FGF14: variants seen among roughly 807,000 people sequenced by gnomAD.
FGF14 encodes the protein fibroblast growth factor 14, also known as fibroblast growth factor homologous factor 4.
Under a neutral mutation model 25.5 loss-of-function variants are expected in FGF14, and 5 were observed. The observed-to-expected ratio is 0.20, with a 90% CI of 0.10 to 0.41. FGF14 has a LOEUF of 0.41. Among genes scored for constraint, FGF14 ranks in the 10% least tolerant of loss-of-function variants. The probability of loss-of-function intolerance (pLI) is 1.00; values close to 1 mark genes in which losing one functional copy is unlikely to be tolerated. For synonymous variants in FGF14, 138 were observed against 118.3 expected, an observed-to-expected ratio of 1.17 and a Z score of -1.08; for missense variants, 222 against 320.1, an observed-to-expected ratio of 0.69 and a Z score of 2.34.
At chr13:102,104,338 T>G (rs1352746073) in intron 1 of FGF14, among the ~76,000 whole-genome samples, 1 of 152,150 alleles carries the variant, frequency 6.6e-6, no homozygotes, top group African/African-American at 2.4e-5. Flanking sequence ...AACACAAAAT[T>G]CTATCATTAA....
intron 1 of FGF14, among the ~76,000 whole-genome samples, chr13:102,244,443 A>C (rs975162195): frequency 3.3e-5 from 5 of 150,284 alleles, no homozygotes; most frequent in Non-Finnish European, 7.4e-5. Context: ...AAATAAATAA[A>C]TAAGCACAGC....
chr13:101,950,128 A>G (rs1713410935), intron 1 of FGF14, among the ~76,000 whole-genome samples: 1 of 152,124 alleles, frequency 6.6e-6, no homozygotes, highest in Non-Finnish European at 1.5e-5. Flanking sequence ...TGTACCTACC[A>G]GATGCCCAAT....
At chr13:102,195,998 A>G (rs1267597720) in intron 1 of FGF14, among the ~76,000 whole-genome samples, 1 of 152,236 alleles carries the variant, frequency 6.6e-6, no homozygotes, top group Non-Finnish European at 1.5e-5. Flanking sequence ...ATTAGCAACA[A>G]GCAAGGAATT....
chr13:102,168,001 C>T (rs2048093409), intron 1 of FGF14, among the ~76,000 whole-genome samples: 1 of 151,944 alleles, frequency 6.6e-6, no homozygotes, highest in African/African-American at 2.4e-5. Context: ...TTTATGTAGT[C>T]GCTGACTCTC....
At chr13:102,395,704 A>G (rs1438553320) in intron 1 of FGF14, 1 of 152,214 alleles carries the variant, frequency 6.6e-6, no homozygotes, top group South Asian at 2.1e-4. Context: ...TTGAAAACCT[A>G]CCATGTGTCG....
At chr13:102,235,810 C>T (rs1010660505) in intron 1 of FGF14, among the ~76,000 whole-genome samples, 9 of 152,102 alleles carry the variant, frequency 5.9e-5, no homozygotes, top group African/African-American at 2.2e-4. Flanking sequence ...AGGCTGAGAC[C>T]TGCTGGGCTG....
At chr13:101,944,367 T>A (rs898202644) in intron 1 of FGF14, among the ~76,000 whole-genome samples, 1 of 152,144 alleles carries the variant, frequency 6.6e-6, no homozygotes, top group Admixed American at 6.5e-5. Context: ...TTTTTTTCTT[T>A]TGGTCAATCT....
intron 1 of FGF14, among the ~76,000 whole-genome samples, chr13:102,140,043 ACC>A (rs35520744): frequency 9.2e-4 from 76 of 82,432 alleles, no homozygotes; most frequent in East Asian, 1.5e-3. Context: ...ACTCTTCAAG[ACC>A]CCCCCCCCCC....
chr13:102,182,081 T>C (rs1436215506), intron 1 of FGF14, among the ~76,000 whole-genome samples: 2 of 152,140 alleles, frequency 1.3e-5, no homozygotes, highest in Admixed American at 1.3e-4. Context: ...GGACCCTGCA[T>C]TGTGAAATTT....
intron 1 of FGF14, among the ~76,000 whole-genome samples, chr13:101,910,574 G>A (rs2032811209): frequency 6.6e-6 from 1 of 152,056 alleles, no homozygotes; most frequent in South Asian, 2.1e-4. Context: ...TTTTATGAAA[G>A]GAGACATTTT....
chr13:102,327,578 T>C (rs2056495477), intron 1 of FGF14, among the ~76,000 whole-genome samples: 1 of 152,340 alleles, frequency 6.6e-6, no homozygotes, highest in African/African-American at 2.4e-5. Flanking sequence ...TTCACACCAA[T>C]AATTCCAGCA....
intron 1 of FGF14, among the ~76,000 whole-genome samples, chr13:102,173,716 CCAAT>C (rs1289076612): frequency 1.3e-5 from 2 of 152,074 alleles, no homozygotes; most frequent in Non-Finnish European, 2.9e-5. Context: ...GTGAAATAAA[CCAAT>C]CAAAGGACAA....
intron 1 of FGF14, among the ~76,000 whole-genome samples, chr13:101,909,929 A>C (rs370545849): frequency 2.0e-5 from 3 of 152,092 alleles, no homozygotes; most frequent in Non-Finnish European, 4.4e-5. Flanking sequence ...ATGATGAGTT[A>C]ATGTCCTTTG....
intron 1 of FGF14, among the ~76,000 whole-genome samples, chr13:102,036,716 A>AAAG (rs1055289181): frequency 3.9e-5 from 6 of 152,046 alleles, no homozygotes; most frequent in Admixed American, 1.3e-4. Context: ...CGAAGAAGAA[A>AAAG]AAGAAGAACA....
chr13:101,979,556 C>T (rs554346512), intron 1 of FGF14, among the ~76,000 whole-genome samples: 10 of 152,156 alleles, frequency 6.6e-5, no homozygotes, highest in African/African-American at 2.4e-4. Context: ...CATTCCCAAA[C>T]CTGGTGTGTT....
At chr13:102,178,431 A>G (rs892486552) in intron 1 of FGF14, among the ~76,000 whole-genome samples, 2 of 152,172 alleles carry the variant, frequency 1.3e-5, no homozygotes, top group African/African-American at 2.4e-5. Flanking sequence ...GGGTAAAAGT[A>G]TAGTTTTATT....
At chr13:102,325,336 T>C (rs2056389544) in intron 1 of FGF14, among the ~76,000 whole-genome samples, 1 of 152,192 alleles carries the variant, frequency 6.6e-6, no homozygotes, top group Admixed American at 6.5e-5. Flanking sequence ...CGTTGTGAAA[T>C]TATTTTTCTC....
intron 1 of FGF14, among the ~76,000 whole-genome samples, chr13:102,321,068 T>C (rs1351303549): frequency 6.6e-6 from 1 of 152,194 alleles, no homozygotes; most frequent in African/African-American, 2.4e-5. Context: ...GATTCCTGCT[T>C]GATATTCTGT....
chr13:102,007,859 G>C (rs1214001181), intron 1 of FGF14, among the ~76,000 whole-genome samples: 2 of 152,146 alleles, frequency 1.3e-5, no homozygotes, highest in Non-Finnish European at 2.9e-5. Context: ...CAGTACCAAG[G>C]CATTTTGTTA....
Sources: allele counts gnomAD v4.1 joint callset (sites outside exome capture counted in the v4.1 genomes callset), GRCh38; gene constraint gnomAD v4.1.1; transcripts MANE v1.5; gene names NCBI Gene and HGNC (gene_info 2026-07-23, HGNC 2026-07-21).